The following SDAD1 variants were observed in gnomAD, a reference collection of about 807,000 sequenced individuals.
SDAD1 encodes the protein protein SDA1 homolog.
In SDAD1, 79 loss-of-function variants were observed where a neutral mutation model predicts 100.3. The observed-to-expected ratio is 0.79, with a 90% CI of 0.66 to 0.95. The LOEUF is 0.95. SDAD1 is among the 40% of genes least tolerant of loss of function. The pLI is 0.00. For missense variants in SDAD1, 790 were observed against 810.9 expected (o/e 0.97, Z 0.31); for synonymous variants, 267 against 271.4 (o/e 0.98, Z 0.16).
chr4:75,973,761 A>C (rs537837041), intron 7 of SDAD1, among the ~76,000 whole-genome samples: 1 of 152,314 alleles, frequency 6.6e-6, no homozygotes, highest in East Asian at 1.9e-4. Flanking sequence ...AGGAGAAAAC[A>C]GTAAAAAACC....
intron 11 of SDAD1, 86 bp downstream of exon 11, chr4:75,969,210 G>T: frequency 1.1e-6 from 1 of 875,700 alleles, no homozygotes; most frequent in Non-Finnish European, 1.8e-6. Flanking sequence ...ATAAAATTAA[G>T]CCACTGCTCT....
intron 10 of SDAD1, among the ~76,000 whole-genome samples, chr4:75,969,876 C>T (rs1013208479): frequency 6.6e-6 from 1 of 152,126 alleles, no homozygotes; most frequent in African/African-American, 2.4e-5. Context: ...TAACAGGACC[C>T]AAGCATCAGT....
rs766891427 is a variant in SDAD1 at position 75,969,319 on chromosome 4, A to C, written c.964T>G (p.Ser322Ala). The stretch of plus-strand genomic sequence containing the variant: ...ACCTCATGAATTCCCACCAATCTGG[A>C]GATAAGGTTCATGAGCATCATCTTC... ...EVKMMLMNLI[S>A]RLVGIHELFL... The change falls in exon 11 of 22, where the codon TCC becomes GCC. Residue 322 changes from serine (S) to alanine (A), a missense_variant. Ser to Ala is a moderately conservative substitution (Grantham distance 99). Coordinates refer to ENST00000356260, the MANE Select transcript of SDAD1 (RefSeq NM_018115.4). 4.3e-6 allele frequency: 7 copies of C among 1,613,002 alleles called. No individual in the cohort carries two copies. Among genetic ancestry groups the C allele is most frequent in the Non-Finnish European group, 5.9e-6 (7 of 1,179,246 alleles).
intron 8 of SDAD1, among the ~76,000 whole-genome samples, chr4:75,972,931 G>A (rs1194926972): frequency 2.0e-5 from 3 of 151,952 alleles, no homozygotes; most frequent in Non-Finnish European, 4.4e-5. Flanking sequence ...TGAGGCAGGA[G>A]AACGGCATGA....
chr4:75,971,592 T>C lies in SDAD1; in HGVS notation c.712-134A>G, dbSNP rs952943466. The C allele has an allele frequency of 7.6e-6, 5 of 660,800 alleles. No homozygotes were observed. The African/African-American group carries it at 9.2e-5, about 12-fold the overall frequency. The allele number at this position is 660,800 out of a possible 1,614,324, so 40.9% of individuals were successfully genotyped here. On this transcript the variant is annotated intron_variant, in intron 8 of 21. Coordinates refer to ENST00000356260, the MANE Select transcript of SDAD1 (RefSeq NM_018115.4). Reference sequence around the variant, plus strand: ...TTAAAAATGAATACTACTTTTAGACTGGGCGCAGTGGCTCACGTCTGTAAT... The same window carrying C: ...TTAAAAATGAATACTACTTTTAGACCGGGCGCAGTGGCTCACGTCTGTAAT...
chr4:75,961,170 C>T (rs1273507396), intron 15 of SDAD1, 41 bp downstream of exon 15: 1 of 1,605,356 alleles, frequency 6.2e-7, no homozygotes, highest in Non-Finnish European at 8.5e-7. Flanking sequence ...AAAGGAGTCA[C>T]ACTGTACTCT....
chr4:75,981,149 A>C (rs774560783), intron 3 of SDAD1, among the ~76,000 whole-genome samples: 1 of 152,246 alleles, frequency 6.6e-6, no homozygotes, highest in Non-Finnish European at 1.5e-5. Context: ...TCAGAAACAC[A>C]GGCTGGAAGC....
In SDAD1 at chr4:75,988,252, A is replaced by T. The variant is rs78265478; in HGVS notation, c.90+2500T>A. On this transcript the variant is annotated intron_variant, in intron 1 of 21. Transcript: ENST00000356260. ...TATTCTTCTGCTCAAAACCCTGTAA[A>T]GGCTTCCATCTCATTGGGAGGTAGA... Among the ~76,000 whole-genome samples, 1,033 of 152,218 alleles carry T rather than the reference A, an allele frequency of 6.8e-3. 5 individuals carry two copies. The highest frequency in any genetic ancestry group is 0.011 in the Non-Finnish European group (777 of 67,996).
chr4:75,970,004 T>TA lies in SDAD1; in HGVS notation c.883+304dup, dbSNP rs1553919254. Reference sequence around the variant, plus strand: ...ACAGACTAGGTTTTTTTTTTTTTTTTAAAAAAGGACCAACAAAAGACTGCC... The same window carrying TA: ...ACAGACTAGGTTTTTTTTTTTTTTTTAAAAAAAGGACCAACAAAAGACTGCC... On this transcript the variant is annotated intron_variant, in intron 10 of 21. Transcript: ENST00000356260. 7.1e-4 allele frequency among the ~76,000 whole-genome samples: 102 copies of TA among 143,626 alleles called. 1 individual carries two copies. Among genetic ancestry groups the TA allele is most frequent in the South Asian group, 1.5e-3 (7 of 4,528 alleles). The allele number at this position is 143,626 out of a possible 152,430, so 94.2% of individuals were successfully genotyped here. A position where few individuals can be genotyped will look rare whatever the true frequency, so the allele number is the denominator to read the frequency against.
chr4:75,981,478 A>G lies in SDAD1; in HGVS notation c.196-8T>C, dbSNP rs780375996. Reference sequence around the variant, plus strand: ...TGGGTAGCAGTGACTAATCTGTAACAAAGCAAAGGCTCTTCTGAAGTTGCT... The same window carrying G: ...TGGGTAGCAGTGACTAATCTGTAACGAAGCAAAGGCTCTTCTGAAGTTGCT... On this transcript the variant is annotated splice_region_variant and splice_polypyrimidine_tract_variant and intron_variant, in intron 2 of 21. Coordinates refer to ENST00000356260, the MANE Select transcript of SDAD1 (RefSeq NM_018115.4). 8.1e-6 allele frequency: 13 copies of G among 1,613,632 alleles called. No homozygotes were observed. In the East Asian group the frequency reaches 2.7e-4, roughly 33 times the overall value.
Position 75,981,377 on chromosome 4 carries a change from G to A in SDAD1, c.289C>T (p.Arg97Ter). ...CNHTVLDPDLRMTFCKALILL... is the reference protein window; with the variant it reads ...CNHTVLDPDL ...CATCCAACTACTGGTCCTACCATTCGCAGATCTGGATCCAATACGGTATGA... is the reference window on the plus strand; with the variant it reads ...CATCCAACTACTGGTCCTACCATTCACAGATCTGGATCCAATACGGTATGA... The change falls in exon 3 of 22, where the codon CGA (arginine) becomes TGA (stop). Residue 97 changes from arginine (R) to a stop codon, truncating the protein, a stop_gained. Coordinates refer to ENST00000356260, the MANE Select transcript of SDAD1 (RefSeq NM_018115.4). LOFTEE classifies it high-confidence loss of function. 3.1e-6 allele frequency: 5 copies of A among 1,613,650 alleles called. No individual in the cohort carries two copies. The highest frequency in any genetic ancestry group is 1.7e-5 in the Admixed American group (1 of 60,016).
intron 1 of SDAD1, among the ~76,000 whole-genome samples, chr4:75,990,492 A>C (rs1364063733): frequency 1.3e-5 from 2 of 152,184 alleles, no homozygotes; most frequent in African/African-American, 4.8e-5. Flanking sequence ...AAATATCTTA[A>C]AACAAAATGA....
intron 16 of SDAD1, among the ~76,000 whole-genome samples, chr4:75,960,544 C>T (rs1019053229): frequency 6.6e-6 from 1 of 152,186 alleles, no homozygotes. Flanking sequence ...CCCCAGCCAG[C>T]AATCTGTCCA....
intron 21 of SDAD1, among the ~76,000 whole-genome samples, chr4:75,951,968 C>A (rs972122984): frequency 6.6e-6 from 1 of 152,116 alleles, no homozygotes; most frequent in African/African-American, 2.4e-5. Context: ...GTAGAAGTTA[C>A]CTGGCTCTAC....
chr4:75,966,683 C>T lies in SDAD1; in HGVS notation c.1045+594G>A, dbSNP rs181157229. ...TATCTATTATGAAGATGCAATAAAA[C>T]GTCAATTTTTTAAAAAAGAATTTTC... On this transcript the variant is annotated intron_variant, in intron 12 of 21. Transcript: ENST00000356260. 2.0e-3 allele frequency among the ~76,000 whole-genome samples: 309 copies of T among 152,212 alleles called. 2 individuals carry two copies. The Middle Eastern group carries it at 0.027, about 13-fold the overall frequency.
In SDAD1 at chr4:75,990,931, C is replaced by T. The variant is rs1368249363; in HGVS notation, c.-90G>A. The T allele has an allele frequency of 2.6e-6, 4 of 1,517,076 alleles. No homozygotes were observed. The highest frequency in any genetic ancestry group is 2.3e-5 in the East Asian group (1 of 44,090). The allele number at this position is 1,517,076 out of a possible 1,614,324, so 94.0% of individuals were successfully genotyped here. Reference sequence around the variant, plus strand: ...ATCCCTGCCAGCTGCAGCTTGGACTCGTGTTTCCGGGTATGACCGGAAATA... The same window carrying T: ...ATCCCTGCCAGCTGCAGCTTGGACTTGTGTTTCCGGGTATGACCGGAAATA... On this transcript the variant is annotated 5_prime_UTR_variant, in exon 1 of 22. Coordinates refer to ENST00000356260, the MANE Select transcript of SDAD1 (RefSeq NM_018115.4).
chr4:75,975,585 T>C (rs567045553), intron 6 of SDAD1, among the ~76,000 whole-genome samples, 159 bp downstream of exon 6: 2 of 152,182 alleles, frequency 1.3e-5, no homozygotes, highest in South Asian at 4.1e-4. Flanking sequence ...CCAATGTCAT[T>C]AGTCATTTGA....
chr4:75,968,745 G>A (rs68181445), intron 11 of SDAD1, among the ~76,000 whole-genome samples: 33,342 of 152,012 alleles, frequency 0.22, 4,600 homozygotes, highest in East Asian at 0.5. Context: ...TAAAAAAGCA[G>A]AACAGGCCAG....
At position 75,985,399 on chromosome 4, in the gene SDAD1, C is replaced by T. The variant is rs751907307; in HGVS notation, c.91-3362G>A. On this transcript the variant is annotated intron_variant, in intron 1 of 21. Transcript: ENST00000356260. ...CCAGCATGGATGAGTCAGTAGGCAT[C>T]CTCCTTTTTCATCAATGCTACTTCC... 5.9e-5 allele frequency among the ~76,000 whole-genome samples: 9 copies of T among 152,088 alleles called. No homozygotes were observed. The South Asian group carries it at 8.3e-4, about 14-fold the overall frequency.
Sources: allele counts gnomAD v4.1 joint callset (sites outside exome capture counted in the v4.1 genomes callset), GRCh38; gene constraint gnomAD v4.1.1; transcripts MANE v1.5; gene names NCBI Gene and HGNC (gene_info 2026-07-23, HGNC 2026-07-21).